XKR9: variants seen among roughly 807,000 people sequenced by gnomAD.
The protein encoded by XKR9 is XK related 9.
In XKR9, 32 loss-of-function variants were observed where a neutral mutation model predicts 32.0. The ratio of observed to expected loss-of-function variants is 1.00; its 90% CI spans 0.76 to 1.34. XKR9 has a LOEUF of 1.34. Ranked by LOEUF, XKR9 falls within the 40% of genes most tolerant of loss-of-function variation. The probability of loss-of-function intolerance (pLI) is 0.00; values close to 1 mark genes in which losing one functional copy is unlikely to be tolerated. For synonymous variants in XKR9, 168 were observed against 143.4 expected, an observed-to-expected ratio of 1.17 and a Z score of -1.22; for missense variants, 546 against 429.7, an observed-to-expected ratio of 1.27 and a Z score of -2.39.
the XKR9 span, among the ~76,000 whole-genome samples, chr8:70,872,216 T>C: frequency 6.6e-6 from 1 of 152,328 alleles, no homozygotes; most frequent in South Asian, 2.1e-4. Context: ...AACAGCCTTA[T>C]TGATTATATG....
chr8:71,065,661 T>G, the XKR9 span, among the ~76,000 whole-genome samples: 6 of 152,220 alleles, frequency 3.9e-5, no homozygotes, highest in African/African-American at 1.4e-4. Flanking sequence ...AGAGAAAGAA[T>G]GTTGGTCTAG....
intron 2 of XKR9, among the ~76,000 whole-genome samples, chr8:70,753,343 G>A (rs1307804456): frequency 6.6e-6 from 1 of 151,602 alleles, no homozygotes; most frequent in African/African-American, 2.4e-5. Flanking sequence ...GGTACAAGGA[G>A]GAACTGGTAC....
the XKR9 span, among the ~76,000 whole-genome samples, chr8:70,924,438 T>C: frequency 3.3e-5 from 5 of 152,162 alleles, no homozygotes; most frequent in Non-Finnish European, 7.3e-5. Context: ...AGGGGGAAAA[T>C]GTCAATACTC....
At chr8:71,063,186 A>G in the XKR9 span, among the ~76,000 whole-genome samples, 3 of 152,350 alleles carry the variant, frequency 2.0e-5, no homozygotes, top group African/African-American at 7.2e-5. Flanking sequence ...AAACTGGAAG[A>G]TGATGATGAC....
chr8:70,701,618 A>C (rs984761211), intron 3 of XKR9, among the ~76,000 whole-genome samples: 1 of 152,212 alleles, frequency 6.6e-6, no homozygotes, highest in Non-Finnish European at 1.5e-5. Flanking sequence ...GTTCATAAAA[A>C]TGGGCCAAAT....
chr8:70,982,002 G>A, the XKR9 span, among the ~76,000 whole-genome samples: 1 of 152,226 alleles, frequency 6.6e-6, no homozygotes, highest in African/African-American at 2.4e-5. Flanking sequence ...CTATGTTCAT[G>A]TCTTGCAGCC....
At chr8:70,945,397 A>C in the XKR9 span, among the ~76,000 whole-genome samples, 1 of 152,144 alleles carries the variant, frequency 6.6e-6, no homozygotes, top group Non-Finnish European at 1.5e-5. Context: ...ATGAAACTTG[A>C]CACTTCTGGC....
intron 1 of XKR9, chr8:70,670,518 T>A (rs1338572908): frequency 1.3e-4 from 19 of 149,644 alleles, no homozygotes; most frequent in African/African-American, 3.8e-4. Context: ...TCTTTTTTTT[T>A]TTAAAAAAAG....
chr8:70,805,157 G>A, the XKR9 span, among the ~76,000 whole-genome samples: 5 of 152,146 alleles, frequency 3.3e-5, no homozygotes, highest in East Asian at 3.9e-4. Context: ...GCAGCACAGC[G>A]GCCCACCTAA....
At chr8:70,783,978 T>A (rs1038161319) in intron 2 of XKR9, among the ~76,000 whole-genome samples, 1 of 152,184 alleles carries the variant, frequency 6.6e-6, no homozygotes, top group Admixed American at 6.5e-5. Context: ...CCAATGCGTG[T>A]CCTTAGCACC....
the XKR9 span, among the ~76,000 whole-genome samples, chr8:70,959,555 G>A: frequency 3.9e-5 from 6 of 152,114 alleles, no homozygotes; most frequent in Non-Finnish European, 5.9e-5. Flanking sequence ...GAGAATTTTC[G>A]TAAGTGTATT....
the XKR9 span, among the ~76,000 whole-genome samples, chr8:71,007,877 C>A: frequency 6.6e-6 from 1 of 151,516 alleles, no homozygotes; most frequent in South Asian, 2.1e-4. Context: ...TCATGTGCCC[C>A]TGAAAAATGT....
the XKR9 span, among the ~76,000 whole-genome samples, chr8:70,955,415 A>AT: frequency 6.6e-6 from 1 of 152,318 alleles, no homozygotes; most frequent in South Asian, 2.1e-4. Flanking sequence ...GATGTTATAT[A>AT]TTTGATTTTC....
the XKR9 span, among the ~76,000 whole-genome samples, chr8:71,016,133 A>G: frequency 6.6e-6 from 1 of 152,194 alleles, no homozygotes; most frequent in Non-Finnish European, 1.5e-5. Flanking sequence ...TTTTAAGGAA[A>G]AAATATAATA....
At chr8:70,702,265 C>T (rs144278980) in intron 3 of XKR9, among the ~76,000 whole-genome samples, 3 of 152,242 alleles carry the variant, frequency 2.0e-5, no homozygotes, top group Non-Finnish European at 4.4e-5. Context: ...ATTGATTTCT[C>T]ACTTAAATTT....
chr8:70,942,287 T>C, the XKR9 span, among the ~76,000 whole-genome samples: 1 of 152,160 alleles, frequency 6.6e-6, no homozygotes, highest in Non-Finnish European at 1.5e-5. Flanking sequence ...TAAAAAGCGA[T>C]CTTAGTTGAT....
the XKR9 span, among the ~76,000 whole-genome samples, chr8:70,924,467 C>T: frequency 6.6e-6 from 1 of 152,164 alleles, no homozygotes; most frequent in Non-Finnish European, 1.5e-5. Context: ...TTATAAACTC[C>T]TTCATCCTCT....
At chr8:70,867,985 G>A in the XKR9 span, among the ~76,000 whole-genome samples, 1 of 152,162 alleles carries the variant, frequency 6.6e-6, no homozygotes, top group South Asian at 2.1e-4. Context: ...AATCCAGCAG[G>A]GCAGTCAAAT....
the XKR9 span, among the ~76,000 whole-genome samples, chr8:70,807,080 G>C: frequency 0.68 from 102,788 of 151,920 alleles, 35,263 homozygotes; most frequent in Admixed American, 0.74. Flanking sequence ...AGCAGAAACC[G>C]TACAAGGCAG....
Sources: allele counts gnomAD v4.1 joint callset (sites outside exome capture counted in the v4.1 genomes callset), GRCh38; gene constraint gnomAD v4.1.1; transcripts MANE v1.5; gene names NCBI Gene and HGNC (gene_info 2026-07-23, HGNC 2026-07-21).